The following GALNT17 variants were observed in gnomAD, a reference collection of about 807,000 sequenced individuals.
GALNT17 encodes the protein polypeptide N-acetylgalactosaminyltransferase 17, also known as UDP-GalNAc:polypeptide N-acetylgalactosaminyltransferase-like 3.
Under a neutral mutation model 63.7 loss-of-function variants are expected in GALNT17, and 29 were observed. That is an observed-to-expected ratio of 0.46 (90% confidence interval 0.34 to 0.62). The LOEUF (loss-of-function observed/expected upper bound fraction) is 0.62, where lower values mean the gene tolerates loss of function less well. Ranked by LOEUF, GALNT17 falls within the 20% of genes least tolerant of loss-of-function variation. The pLI, the probability that GALNT17 is intolerant of heterozygous loss-of-function variation, is 0.01. For missense variants in GALNT17, 603 were observed against 799.6 expected, an observed-to-expected ratio of 0.75 and a Z score of 2.97; for synonymous variants, 305 against 318.3, an observed-to-expected ratio of 0.96 and a Z score of 0.45.
intron 1 of GALNT17, among the ~76,000 whole-genome samples, chr7:71,197,366 A>ATTT (rs34168187): frequency 5.8e-5 from 8 of 138,938 alleles, no homozygotes; most frequent in African/African-American, 2.1e-4. Context: ...CGGCCGGCTA[A>ATTT]TTTTTTTTTT....
At chr7:71,539,935 A>G (rs1426888575) in intron 5 of GALNT17, among the ~76,000 whole-genome samples, 1 of 150,924 alleles carries the variant, frequency 6.6e-6, no homozygotes, top group Non-Finnish European at 1.5e-5. Flanking sequence ...TGGCACTTCC[A>G]AGTAGCCACC....
intron 5 of GALNT17, among the ~76,000 whole-genome samples, chr7:71,559,692 T>A (rs1032369209): frequency 1.3e-5 from 2 of 151,860 alleles, no homozygotes; most frequent in Non-Finnish European, 2.9e-5. Context: ...TGGGACCTTG[T>A]TTCTACCAAA....
intron 1 of GALNT17, among the ~76,000 whole-genome samples, chr7:71,220,820 T>G (rs1789569332): frequency 2.0e-5 from 3 of 152,174 alleles, no homozygotes; most frequent in African/African-American, 7.2e-5. Flanking sequence ...CCAACCCTGC[T>G]GACAGCTTGG....
intron 6 of GALNT17, among the ~76,000 whole-genome samples, chr7:71,572,917 C>CCTGT (rs1290003793): frequency 6.6e-6 from 1 of 152,130 alleles, no homozygotes; most frequent in East Asian, 1.9e-4. Flanking sequence ...GCAGCACAGT[C>CCTGT]CTGTCCACCA....
intron 1 of GALNT17, among the ~76,000 whole-genome samples, chr7:71,202,217 CT>C (rs1302513294): frequency 4.6e-5 from 7 of 152,086 alleles, no homozygotes; most frequent in South Asian, 4.2e-4. Flanking sequence ...AAGTGCAGAC[CT>C]TTATTCTGTA....
chr7:71,194,690 T>C (rs1014055800), intron 1 of GALNT17, among the ~76,000 whole-genome samples: 1 of 152,146 alleles, frequency 6.6e-6, no homozygotes, highest in Non-Finnish European at 1.5e-5. Context: ...TCTGCAAAAT[T>C]GGGTTCTTGG....
intron 1 of GALNT17, among the ~76,000 whole-genome samples, chr7:71,328,410 T>A (rs1439263213): frequency 1.3e-5 from 2 of 152,186 alleles, no homozygotes; most frequent in Non-Finnish European, 2.9e-5. Flanking sequence ...TTGTGACTAC[T>A]CTGCCTACAA....
Position 71,530,474 on chromosome 7 carries a change from G to A in GALNT17, c.963-40811G>A, listed in dbSNP as rs56257715. Reference sequence around the variant, plus strand: ...AACACCTACATCAGCAGCCTGGGAGGGACTGGTTGTCAACACCGATTGCAC... The same window carrying A: ...AACACCTACATCAGCAGCCTGGGAGAGACTGGTTGTCAACACCGATTGCAC... On this transcript the variant is annotated intron_variant, in intron 5 of 10. Transcript: ENST00000333538. 9.2e-3 allele frequency among the ~76,000 whole-genome samples: 1,405 copies of A among 152,046 alleles called. 9 individuals carry two copies. Among genetic ancestry groups the A allele is most frequent in the Non-Finnish European group, 0.014 (970 of 67,984 alleles).
At chr7:71,300,577 TACAC>T (rs914397855) in intron 1 of GALNT17, 8 of 359,180 alleles carry the variant, frequency 2.2e-5, no homozygotes, top group Admixed American at 6.8e-5. Flanking sequence ...ATTTGTTTTC[TACAC>T]ACACACATGC....
chr7:71,407,128 G>A (rs1308001438), intron 3 of GALNT17, among the ~76,000 whole-genome samples: 5 of 152,156 alleles, frequency 3.3e-5, no homozygotes, highest in Non-Finnish European at 7.3e-5. Flanking sequence ...CCAGGGTATG[G>A]TCACCATGCA....
At chr7:71,470,877 G>A (rs1787616576) in intron 5 of GALNT17, among the ~76,000 whole-genome samples, 2 of 151,968 alleles carry the variant, frequency 1.3e-5, no homozygotes, top group African/African-American at 4.8e-5. Context: ...TTAAATTTGA[G>A]ATGCAGTAAT....
chr7:71,631,058 C>T (rs1399929431), intron 6 of GALNT17, among the ~76,000 whole-genome samples: 1 of 151,788 alleles, frequency 6.6e-6, no homozygotes, highest in Admixed American at 6.6e-5. Flanking sequence ...TTGCAGTGGA[C>T]AATGAGCAAA....
intron 1 of GALNT17, among the ~76,000 whole-genome samples, chr7:71,334,425 G>A (rs957321178): frequency 1.2e-4 from 18 of 152,050 alleles, no homozygotes; most frequent in Middle Eastern, 3.4e-3. Flanking sequence ...CTGGATATTG[G>A]ATCTCCATCA....
intron 1 of GALNT17, among the ~76,000 whole-genome samples, chr7:71,319,307 G>GC (rs1263818042): frequency 8.6e-4 from 131 of 152,138 alleles, no homozygotes; most frequent in African/African-American, 2.9e-3. Context: ...AATTGGTGCT[G>GC]TGAACATCAC....
intron 2 of GALNT17, among the ~76,000 whole-genome samples, chr7:71,386,932 A>C (rs1447845338): frequency 2.6e-5 from 4 of 152,084 alleles, no homozygotes; most frequent in Non-Finnish European, 5.9e-5. Flanking sequence ...CAGAGCACTT[A>C]GTGGGTTCAG....
At chr7:71,692,739 T>G (rs1584142011) in intron 9 of GALNT17, among the ~76,000 whole-genome samples, 1 of 828 alleles carries the variant, frequency 1.2e-3, no homozygotes, top group African/African-American at 1.3e-3. Flanking sequence ...TTTATTCTAT[T>G]TTTTTTTTTT....
At chr7:71,548,167 G>A (rs994950566) in intron 5 of GALNT17, among the ~76,000 whole-genome samples, 1 of 151,646 alleles carries the variant, frequency 6.6e-6, no homozygotes, top group Non-Finnish European at 1.5e-5. Flanking sequence ...ACTTGAATCA[G>A]GAAGGTAGAG....
At position 71,394,995 on chromosome 7, in the gene GALNT17, G is replaced by A. The variant is rs750912441; in HGVS notation, c.589+6594G>A. ...CACGTGCCTGTAGTCTGAGCTACTC[G>A]GGAGATGGGGGCAGGAGAATCACTT... is the stretch of plus-strand genomic sequence containing the variant. On this transcript the variant is annotated intron_variant, in intron 3 of 10. Transcript: ENST00000333538. Among the ~76,000 whole-genome samples, 74 of 151,972 alleles carry A rather than the reference G, an allele frequency of 4.9e-4. 1 individual carries two copies. Among genetic ancestry groups the A allele is most frequent in the Admixed American group, 3.9e-4 (6 of 15,250 alleles).
chr7:71,658,234 G>A (rs1310154863), intron 6 of GALNT17, among the ~76,000 whole-genome samples: 2 of 152,170 alleles, frequency 1.3e-5, no homozygotes, highest in Non-Finnish European at 2.9e-5. Context: ...AAATGATGAA[G>A]TTGAATGTAT....
Sources: gnomAD v4.1 joint callset for allele counts (sites outside exome capture counted in the v4.1 genomes callset) on GRCh38, gnomAD v4.1.1 for gene constraint, MANE v1.5 for transcripts, NCBI Gene and HGNC (gene_info 2026-07-23, HGNC 2026-07-21) for gene names.